LIMK1: variants seen among roughly 807,000 people sequenced by gnomAD.
The protein encoded by LIMK1 is LIM domain kinase 1.
LIMK1 carries 21 observed loss-of-function variants against 77.6 expected under a neutral mutation model. The observed-to-expected ratio is 0.27, with a 90% CI of 0.19 to 0.39. The LOEUF (loss-of-function observed/expected upper bound fraction) is 0.39. Ranked by LOEUF, LIMK1 falls within the 10% of genes least tolerant of loss-of-function variation. LIMK1 has a pLI of 1.00. For missense variants in LIMK1, 696 were observed against 901.6 expected, an observed-to-expected ratio of 0.77 and a Z score of 2.92; for synonymous variants, 358 against 370.0, an observed-to-expected ratio of 0.97 and a Z score of 0.37.
At chr7:74,114,612 G>T (rs578040248) in intron 12 of LIMK1, among the ~76,000 whole-genome samples, 1 of 151,396 alleles carries the variant, frequency 6.6e-6, no homozygotes, top group South Asian at 2.1e-4. Flanking sequence ...CCTGCTTATT[G>T]GGAATATTCA....
Position 74,106,068 on chromosome 7 carries a change from T to C in LIMK1, c.715-9T>C, listed in dbSNP as rs1299139195. ...ACTCCACCCCCATTCACATGCCTGCTGTCCCCAGATTGACCTGCTGATTCA... is the reference window on the plus strand; with the variant it reads ...ACTCCACCCCCATTCACATGCCTGCCGTCCCCAGATTGACCTGCTGATTCA... On this transcript the variant is annotated splice_polypyrimidine_tract_variant and intron_variant, in intron 6 of 15. Coordinates refer to ENST00000336180, the MANE Select transcript of LIMK1 (RefSeq NM_002314.4). 47 of 1,613,920 alleles carry C rather than the reference T, an allele frequency of 2.9e-5. No homozygotes were observed. Among genetic ancestry groups the C allele is most frequent in the Non-Finnish European group, 3.9e-5 (46 of 1,179,988 alleles).
At chr7:74,093,097 G>A (rs1799268708) in intron 2 of LIMK1, 13 of 1,401,282 alleles carry the variant, frequency 9.3e-6, no homozygotes, top group Admixed American at 3.0e-5. Flanking sequence ...TGGCACCCAC[G>A]CGGCTGCAGC....
At chr7:74,104,832 C>T (rs1799535773) in intron 5 of LIMK1, among the ~76,000 whole-genome samples, 1 of 152,160 alleles carries the variant, frequency 6.6e-6, no homozygotes. Context: ...GCTTGGCCTC[C>T]TCTTGCAGGG....
Position 74,121,367 on chromosome 7 carries a change from G to C in LIMK1, c.*66G>C. 4 of 1,424,156 alleles carry C rather than the reference G, an allele frequency of 2.8e-6. No individual in the cohort carries two copies. Among genetic ancestry groups the C allele is most frequent in the Non-Finnish European group, 3.7e-6 (4 of 1,069,102 alleles). 88.2% of individuals were successfully genotyped at this position (1,424,156 alleles called of 1,614,324 possible). A position where few individuals can be genotyped will look rare whatever the true frequency, so the allele number is the denominator to read the frequency against. ...ATCCACCCCCACCAGATTCCTCCGC[G>C]GGAGGTGGCCCTCAGCTGGGACAGT... On this transcript the variant is annotated 3_prime_UTR_variant, in exon 16 of 16. Coordinates refer to ENST00000336180, the MANE Select transcript of LIMK1 (RefSeq NM_002314.4).
At position 74,109,070 on chromosome 7, in the gene LIMK1, T is replaced by C. The variant is rs782763015; in HGVS notation, c.1284+34T>C. On this transcript the variant is annotated intron_variant, in intron 10 of 15. Transcript: ENST00000336180. ...TGGGCAGAGCCAGCCACCCCCGCTG[T>C]GCGGCCCCGGGCAAAGCAGCTCCCT... 1.9e-6 allele frequency: 3 copies of C among 1,554,620 alleles called. No homozygotes were observed. The South Asian group carries it at 3.4e-5, about 18-fold the overall frequency.
At chr7:74,114,700 G>A (rs1799771974) in intron 12 of LIMK1, among the ~76,000 whole-genome samples, 1 of 151,984 alleles carries the variant, frequency 6.6e-6, no homozygotes, top group African/African-American at 2.4e-5. Context: ...CGGATCACGA[G>A]GTCAGGAGAT....
intron 7 of LIMK1, 60 bp downstream of exon 7, chr7:74,106,303 C>CTG: frequency 6.5e-7 from 1 of 1,535,058 alleles, no homozygotes; most frequent in Non-Finnish European, 8.8e-7. Context: ...GGCTCAGGGG[C>CTG]TGTGGGACCT....
intron 5 of LIMK1, among the ~76,000 whole-genome samples, chr7:74,100,165 A>G (rs1338108786): frequency 6.6e-5 from 10 of 152,244 alleles, no homozygotes; most frequent in African/African-American, 2.4e-4. Context: ...TCTTGAGCCC[A>G]GGAAGTGGCT....
At chr7:74,096,799 G>C in intron 3 of LIMK1, 39 bp downstream of exon 3, 1 of 1,550,586 alleles carries the variant, frequency 6.4e-7, no homozygotes, top group South Asian at 1.2e-5. Flanking sequence ...CTGGGGTGGG[G>C]GTATCCAAGC....
chr7:74,093,090 C>G (rs2115641567), intron 2 of LIMK1: 1 of 1,398,816 alleles, frequency 7.1e-7, no homozygotes, highest in East Asian at 2.6e-5. Flanking sequence ...AGTCCCCTGG[C>G]ACCCACGCGG....
At position 74,122,253 on chromosome 7, in the gene LIMK1, T is replaced by TGCAGCA. The variant is rs1364238739; in HGVS notation, c.*958_*963dup. 1 of 140,690 alleles carries TGCAGCA rather than the reference T, an allele frequency of 7.1e-6. No individual in the cohort carries two copies. Among genetic ancestry groups the TGCAGCA allele is most frequent in the Non-Finnish European group, 1.5e-5 (1 of 66,452 alleles). 8.7% of individuals were successfully genotyped at this position (140,690 alleles called of 1,614,324 possible). On this transcript the variant is annotated 3_prime_UTR_variant, in exon 16 of 16. Transcript: ENST00000336180. ...AGTTTGTATTATTTTTTCATACGGC[T>TGCAGCA]GCAGCAGCAGCTGCCAGGGGCTTGG...
intron 2 of LIMK1, among the ~76,000 whole-genome samples, chr7:74,094,632 TGGCCTCCCGGCTGCA>T (rs1269870104): frequency 2.6e-5 from 4 of 152,162 alleles, no homozygotes; most frequent in African/African-American, 9.7e-5. Context: ...AAAGTCGGCC[TGGCCTCCCGGCTGCA>T]GCACTCCTTT....
chr7:74,102,867 CTT>C (rs200075270), intron 5 of LIMK1, among the ~76,000 whole-genome samples: 20 of 135,368 alleles, frequency 1.5e-4, no homozygotes, highest in East Asian at 4.2e-4. Context: ...TCATCAGTAT[CTT>C]TTTTTTTTTT....
intron 4 of LIMK1, among the ~76,000 whole-genome samples, chr7:74,097,959 T>C (rs1472259342): frequency 6.6e-6 from 1 of 152,286 alleles, no homozygotes; most frequent in East Asian, 1.9e-4. Context: ...CCAGTTTTAT[T>C]ATGAAGGACA....
chr7:74,104,739 G>A (rs1584119691), intron 5 of LIMK1, among the ~76,000 whole-genome samples: 1 of 152,280 alleles, frequency 6.6e-6, no homozygotes, highest in Non-Finnish European at 1.5e-5. Flanking sequence ...GCAACTGATC[G>A]AGGGTCTCTT....
Position 74,106,250 on chromosome 7 carries a change from C to T in LIMK1, c.881+7C>T, listed in dbSNP as rs1229106989. ...CCCGGCAGAAACCTGTCTTGTAAGT[C>T]AGCCTGCTCCTCGGTTCAGCTGGGT... On this transcript the variant is annotated splice_region_variant and intron_variant, in intron 7 of 15. Coordinates refer to ENST00000336180, the MANE Select transcript of LIMK1 (RefSeq NM_002314.4). 3.7e-6 allele frequency: 6 copies of T among 1,604,540 alleles called. No individual in the cohort carries two copies. Among genetic ancestry groups the T allele is most frequent in the South Asian group, 1.1e-5 (1 of 90,174 alleles).
At chr7:74,088,907 C>G (rs1184124710) in intron 2 of LIMK1, among the ~76,000 whole-genome samples, 2 of 151,628 alleles carry the variant, frequency 1.3e-5, no homozygotes, top group Non-Finnish European at 2.9e-5. Context: ...GTGGTGGTAT[C>G]TAGGCAGGGA....
chr7:74,116,000 C>A, intron 13 of LIMK1, 42 bp downstream of exon 13: 1 of 1,591,208 alleles, frequency 6.3e-7, no homozygotes. Flanking sequence ...TCACGGGAAG[C>A]CATGGGGGAG....
intron 7 of LIMK1, 46 bp downstream of exon 7, chr7:74,106,289 C>A: frequency 6.4e-7 from 1 of 1,560,224 alleles, no homozygotes; most frequent in Non-Finnish European, 8.7e-7. Context: ...TTCACTCCTG[C>A]TGGGGCTCAG....
Sources: gnomAD v4.1 joint callset for allele counts (sites outside exome capture counted in the v4.1 genomes callset) on GRCh38, gnomAD v4.1.1 for gene constraint, MANE v1.5 for transcripts, NCBI Gene and HGNC (gene_info 2026-07-23, HGNC 2026-07-21) for gene names.